The following CCDC102B variants were observed in gnomAD, a reference collection of about 807,000 sequenced individuals.
CCDC102B encodes the protein coiled-coil domain containing 102B, also known as coiled-coil domain-containing protein 102B.
Under a neutral mutation model 57.4 loss-of-function variants are expected in CCDC102B, and 75 were observed. That is an observed-to-expected ratio of 1.31 (90% confidence interval 1.08 to 1.58). CCDC102B has a LOEUF of 1.58. CCDC102B is among the 40% of genes most tolerant of loss of function. The probability of loss-of-function intolerance (pLI) is 0.00; values close to 1 mark genes in which losing one functional copy is unlikely to be tolerated. For missense variants in CCDC102B, 636 were observed against 582.6 expected (o/e 1.09, Z -0.94); for synonymous variants, 206 against 201.9 (o/e 1.02, Z -0.17).
chr18:68,866,611 C>A (rs2038992251), intron 4 of CCDC102B: 7 of 308,604 alleles, frequency 2.3e-5, no homozygotes, highest in Non-Finnish European at 2.6e-5. Flanking sequence ...CCTTTGGGAA[C>A]CTTAGTCAAA....
At chr18:68,905,789 T>A (rs1443590329) in intron 6 of CCDC102B, among the ~76,000 whole-genome samples, 2 of 4,814 alleles carry the variant, frequency 4.2e-4, no homozygotes, top group Non-Finnish European at 1.5e-3. Context: ...TCTGGCTTTT[T>A]TTTTTTTTTT....
At chr18:68,750,371 A>G (rs993916993) in intron 2 of CCDC102B, among the ~76,000 whole-genome samples, 1 of 152,194 alleles carries the variant, frequency 6.6e-6, no homozygotes, top group Non-Finnish European at 1.5e-5. Flanking sequence ...CAACCATTGT[A>G]GAAGACAGTG....
intron 7 of CCDC102B, among the ~76,000 whole-genome samples, chr18:69,045,648 T>C (rs1474717942): frequency 1.3e-5 from 2 of 152,152 alleles, no homozygotes; most frequent in Non-Finnish European, 2.9e-5. Context: ...GTTTCTTACA[T>C]AGGTAAACTG....
rs555653542 is a variant in CCDC102B, at chr18:68,816,591, G to A, written c.-16+18410G>A. ...CGCCATTCTCCTGCCTCAGCCTCCT[G>A]AGTAGCTGGGACTACAGGCGCCCGC... is the stretch of plus-strand genomic sequence containing the variant. On this transcript the variant is annotated intron_variant, in intron 1 of 7. Transcript: ENST00000360242. 2.7e-5 allele frequency among the ~76,000 whole-genome samples: 4 copies of A among 150,248 alleles called. No individual in the cohort carries two copies. The South Asian group carries it at 8.4e-4, about 31-fold the overall frequency.
chr18:68,956,864 T>A (rs2049914396), intron 6 of CCDC102B, among the ~76,000 whole-genome samples: 1 of 151,564 alleles, frequency 6.6e-6, no homozygotes, highest in African/African-American at 2.4e-5. Context: ...TGACTTGCAC[T>A]TTTGCTGATG....
At position 69,041,434 on chromosome 18, in the gene CCDC102B, T is replaced by G. The variant is rs373901882; in HGVS notation, c.1435-12596T>G. ...CTGCTATATTACATAACCATTTCTA[T>G]CACTCTAGATTACTGCTCCCATGAT... On this transcript the variant is annotated intron_variant, in intron 7 of 7. Transcript: ENST00000360242. Among the ~76,000 whole-genome samples the G allele has an allele frequency of 3.3e-5, 5 of 152,186 alleles. No individual in the cohort carries two copies. The South Asian group carries it at 8.3e-4, about 25-fold the overall frequency.
chr18:68,802,035 C>T lies in CCDC102B; in HGVS notation c.-16+3854C>T, dbSNP rs530970301. 5.7e-4 allele frequency among the ~76,000 whole-genome samples: 86 copies of T among 152,166 alleles called. 1 individual carries two copies. Among genetic ancestry groups the T allele is most frequent in the African/African-American group, 1.9e-3 (79 of 41,522 alleles). The stretch of plus-strand genomic sequence containing the variant: ...AATAAAACATGAAAATTATAAGGTG[C>T]TCAGTGGGATTATAACATTTGGTAG... On this transcript the variant is annotated intron_variant, in intron 1 of 7. Coordinates refer to ENST00000360242, the MANE Select transcript of CCDC102B (RefSeq NM_024781.3).
chr18:68,880,356 C>T lies in CCDC102B; in HGVS notation c.1053+5571C>T, dbSNP rs866690778. 2.2e-4 allele frequency among the ~76,000 whole-genome samples: 33 copies of T among 152,328 alleles called. 1 individual carries two copies. Among genetic ancestry groups the T allele is most frequent in the Middle Eastern group, 3.4e-3 (1 of 294 alleles). On this transcript the variant is annotated intron_variant, in intron 5 of 7. Coordinates refer to ENST00000360242, the MANE Select transcript of CCDC102B (RefSeq NM_024781.3). ...GGCCCGCAAGCACCGCGCGCAGCCC[C>T]GGTTCCTGCTCGTGCCTCTCCCTCC...
chr18:68,787,298 T>C (rs1402478059), intron 2 of CCDC102B, among the ~76,000 whole-genome samples: 5 of 151,768 alleles, frequency 3.3e-5, no homozygotes, highest in African/African-American at 1.2e-4. Context: ...TCTTTTTTGG[T>C]TGTGTCTCGG....
At chr18:69,039,546 A>G (rs951661297) in intron 7 of CCDC102B, among the ~76,000 whole-genome samples, 1 of 151,874 alleles carries the variant, frequency 6.6e-6, no homozygotes, top group Non-Finnish European at 1.5e-5. Flanking sequence ...ATTGGTTGAC[A>G]TTTTGATTAG....
chr18:68,758,654 T>C (rs954512600), intron 2 of CCDC102B, among the ~76,000 whole-genome samples: 6 of 151,182 alleles, frequency 4.0e-5, no homozygotes, highest in African/African-American at 7.3e-5. Flanking sequence ...CGATAAGCTC[T>C]GATAAGAGAA....
chr18:68,901,054 C>T (rs936255730), intron 6 of CCDC102B, among the ~76,000 whole-genome samples: 1 of 152,106 alleles, frequency 6.6e-6, no homozygotes, highest in African/African-American at 2.4e-5. Context: ...ATGATATCAA[C>T]ATTGCAGGAC....
chr18:68,986,037 A>T (rs1356361125), intron 6 of CCDC102B, among the ~76,000 whole-genome samples: 2 of 152,228 alleles, frequency 1.3e-5, no homozygotes, highest in Admixed American at 6.5e-5. Context: ...GATGTGTTTC[A>T]TGTTTAAGGT....
At chr18:68,808,791 T>G (rs1016807482) in intron 1 of CCDC102B, among the ~76,000 whole-genome samples, 4 of 152,224 alleles carry the variant, frequency 2.6e-5, no homozygotes, top group African/African-American at 9.6e-5. Context: ...TACACATTTT[T>G]ATTTTCGTTT....
At chr18:68,979,417 C>T (rs2050520085) in intron 6 of CCDC102B, among the ~76,000 whole-genome samples, 1 of 151,686 alleles carries the variant, frequency 6.6e-6, no homozygotes, top group Non-Finnish European at 1.5e-5. Context: ...CAGCATGAAA[C>T]AAAAGCTTAA....
At chr18:68,855,463 T>G (rs181074940) in intron 4 of CCDC102B, among the ~76,000 whole-genome samples, 29 of 152,294 alleles carry the variant, frequency 1.9e-4, no homozygotes, top group Admixed American at 1.8e-3. Context: ...TTTAACAGAT[T>G]TACTGAAATA....
At chr18:68,955,630 G>T (rs4474788) in intron 6 of CCDC102B, among the ~76,000 whole-genome samples, 45,329 of 150,388 alleles carry the variant, frequency 0.3, 8,204 homozygotes, top group African/African-American at 0.5. Flanking sequence ...TTCCTTTTTT[G>T]TTTTTTTGCT....
At chr18:68,844,280 T>C (rs1463094028) in intron 3 of CCDC102B, among the ~76,000 whole-genome samples, 1 of 151,864 alleles carries the variant, frequency 6.6e-6, no homozygotes, top group African/African-American at 2.4e-5. Flanking sequence ...ATTTTTCAAG[T>C]ATGTTTCCAT....
intron 2 of CCDC102B, among the ~76,000 whole-genome samples, chr18:68,739,615 A>C (rs895523025): frequency 1.3e-5 from 2 of 152,220 alleles, no homozygotes; most frequent in African/African-American, 2.4e-5. Flanking sequence ...TACACAATAT[A>C]GTATTTTTGT....
Sources: allele counts gnomAD v4.1 joint callset (sites outside exome capture counted in the v4.1 genomes callset), GRCh38; gene constraint gnomAD v4.1.1; transcripts MANE v1.5; gene names NCBI Gene and HGNC (gene_info 2026-07-23, HGNC 2026-07-21).